RNF144A: variants seen among roughly 807,000 people sequenced by gnomAD.
RNF144A encodes the protein ring finger protein 144A, also known as E3 ubiquitin-protein ligase RNF144A.
In RNF144A, 11 loss-of-function variants were observed where a neutral mutation model predicts 38.7. The observed-to-expected ratio is 0.28, with a 90% confidence interval of 0.18 to 0.47. The LOEUF (loss-of-function observed/expected upper bound fraction) is 0.47, where lower values mean the gene tolerates loss of function less well. RNF144A is among the 20% of genes least tolerant of loss of function. The pLI, the probability that RNF144A is intolerant of heterozygous loss-of-function variation, is 0.99. For synonymous variants in RNF144A, 149 were observed against 143.9 expected (o/e 1.04, Z -0.25); for missense variants, 316 against 377.2 (o/e 0.84, Z 1.34).
intron 8 of RNF144A, among the ~76,000 whole-genome samples, chr2:7,036,384 A>C (rs1180142627): frequency 6.6e-6 from 1 of 152,176 alleles, no homozygotes; most frequent in African/African-American, 2.4e-5. Flanking sequence ...CTGATTACTG[A>C]TCTTCTGTAT....
At chr2:7,051,625 A>G (rs1368604171) in intron 6 of RNF144A, among the ~76,000 whole-genome samples, 1 of 152,226 alleles carries the variant, frequency 6.6e-6, no homozygotes, top group Non-Finnish European at 1.5e-5. Flanking sequence ...ACAGTGGCTC[A>G]CGCCTGTAAT....
At chr2:6,996,237 G>C (rs533955671) in intron 2 of RNF144A, among the ~76,000 whole-genome samples, 1 of 152,072 alleles carries the variant, frequency 6.6e-6, no homozygotes, top group Non-Finnish European at 1.5e-5. Context: ...CCTCATATTC[G>C]CCACGTCTTT....
Position 7,050,128 on chromosome 2 carries a change from C to T in RNF144A, c.735-18088C>T, listed in dbSNP as rs962878755. ...AGGACCTGGTTCCCTGTCCTCAGTT[C>T]GGGTCCTGATATGGTTTGGCTGTGT... is the stretch of plus-strand genomic sequence containing the variant. On this transcript the variant is annotated intron_variant, in intron 6 of 6. Transcript: ENST00000432850. 5.3e-5 allele frequency among the ~76,000 whole-genome samples: 8 copies of T among 152,246 alleles called. No individual in the cohort carries two copies. In the South Asian group the frequency reaches 1.5e-3, roughly 28 times the overall value.
chr2:6,963,788 G>A (rs1667486135), intron 2 of RNF144A, among the ~76,000 whole-genome samples: 1 of 152,172 alleles, frequency 6.6e-6, no homozygotes, highest in Non-Finnish European at 1.5e-5. Flanking sequence ...AGGAGCTGGG[G>A]ACGTCAAAAA....
intron 6 of RNF144A, among the ~76,000 whole-genome samples, chr2:7,055,827 A>C (rs549406597): frequency 1.1e-4 from 16 of 152,292 alleles, no homozygotes; most frequent in Non-Finnish European, 1.5e-5. Context: ...ACGGAGCAAA[A>C]CTAGCACTGT....
intron 3 of RNF144A, among the ~76,000 whole-genome samples, 198 bp from the exon 4 acceptor site, chr2:7,014,256 A>G (rs1052244903): frequency 3.9e-5 from 6 of 152,228 alleles, no homozygotes; most frequent in African/African-American, 1.4e-4. Flanking sequence ...AGTCCCTGGC[A>G]CAGAATGGGT....
intron 1 of RNF144A, among the ~76,000 whole-genome samples, chr2:6,939,760 T>A (rs2103294843): frequency 6.6e-6 from 1 of 152,286 alleles, no homozygotes; most frequent in South Asian, 2.1e-4. Context: ...AGGTTTAAGG[T>A]CTGTGTTTAG....
intron 6 of RNF144A, among the ~76,000 whole-genome samples, chr2:7,053,396 G>A (rs1294192699): frequency 2.0e-5 from 3 of 152,222 alleles, no homozygotes; most frequent in African/African-American, 4.8e-5. Flanking sequence ...ATGGGTCTGA[G>A]TTCTCTACTC....
chr2:7,018,432 G>A (rs1671286885), intron 5 of RNF144A, among the ~76,000 whole-genome samples: 1 of 152,172 alleles, frequency 6.6e-6, no homozygotes, highest in African/African-American at 2.4e-5. Context: ...AGGCATCGCG[G>A]GGACGGGATG....
At chr2:7,063,770 A>C (rs1046711103) in intron 6 of RNF144A, among the ~76,000 whole-genome samples, 10 of 152,236 alleles carry the variant, frequency 6.6e-5, no homozygotes, top group African/African-American at 2.2e-4. Context: ...GCTCCAGATA[A>C]TTCAAGATCT....
At chr2:7,038,486 TTGCAGTGTCAAG>T (rs1282811246) in intron 8 of RNF144A, among the ~76,000 whole-genome samples, 1 of 152,180 alleles carries the variant, frequency 6.6e-6, no homozygotes, top group Non-Finnish European at 1.5e-5. Flanking sequence ...ACCTCTGTAT[TTGCAGTGTCAAG>T]TGCAGTGTCT....
In RNF144A at chr2:6,941,073, G is replaced by T. The variant is rs1330191773; in HGVS notation, c.-86G>T. 1.3e-5 allele frequency: 2 copies of T among 152,226 alleles called. No individual in the cohort carries two copies. The highest frequency in any genetic ancestry group is 2.9e-5 in the Non-Finnish European group (2 of 68,072). 9.4% of individuals were successfully genotyped at this position (152,226 alleles called of 1,614,324 possible). On this transcript the variant is annotated 5_prime_UTR_variant, in exon 2 of 9. Coordinates refer to ENST00000320892, the MANE Select transcript of RNF144A (RefSeq NM_014746.6). The surrounding 1 kb of genome is among the most constrained non-coding windows in gnomAD (Gnocchi z 6.5). ...CTGACCTGAGGGCAGAGACATCTGA[G>T]TGTGTATAAGCACAGCAGGACACCA... is the stretch of plus-strand genomic sequence containing the variant.
At chr2:7,059,443 C>T (rs1265677222) in intron 6 of RNF144A, among the ~76,000 whole-genome samples, 1 of 152,204 alleles carries the variant, frequency 6.6e-6, no homozygotes, top group Non-Finnish European at 1.5e-5. Context: ...GTGCCATGCC[C>T]CGTGTTCCCC....
chr2:7,026,064 G>A (rs1671873482), intron 7 of RNF144A, among the ~76,000 whole-genome samples: 1 of 152,204 alleles, frequency 6.6e-6, no homozygotes, highest in Admixed American at 6.5e-5. Flanking sequence ...CAAGGTGAAG[G>A]AGAAGTGGTT....
chr2:6,926,344 GAGA>G (rs1282696273), intron 1 of RNF144A, among the ~76,000 whole-genome samples: 12 of 152,358 alleles, frequency 7.9e-5, no homozygotes, highest in African/African-American at 2.9e-4. Context: ...CCTGGAGAAA[GAGA>G]AGGAGAGAAA....
chr2:6,978,029 GA>G (rs1248825449), intron 2 of RNF144A, among the ~76,000 whole-genome samples: 5 of 152,124 alleles, frequency 3.3e-5, no homozygotes, highest in African/African-American at 1.2e-4. Context: ...TCAGCTTGGG[GA>G]ACCCATAGAA....
In RNF144A at chr2:7,040,341, G is replaced by T. The variant is rs779467209; in HGVS notation, c.*581G>T. The T allele has an allele frequency of 2.6e-5, 26 of 985,472 alleles. No individual in the cohort carries two copies. The highest frequency in any genetic ancestry group is 2.7e-5 in the Non-Finnish European group (22 of 829,996). 61.0% of individuals were successfully genotyped at this position (985,472 alleles called of 1,614,324 possible). On this transcript the variant is annotated 3_prime_UTR_variant, in exon 9 of 9. Coordinates refer to ENST00000320892, the MANE Select transcript of RNF144A (RefSeq NM_014746.6). ...GAAATGTGCATTTTAAGAAGTTATAGTTAAACGACTTTTCAGGAGATTTAG... is the reference window on the plus strand; with the variant it reads ...GAAATGTGCATTTTAAGAAGTTATATTTAAACGACTTTTCAGGAGATTTAG...
rs77580854 is a variant in RNF144A, at chr2:6,948,658, C to T, written c.-12+7511C>T. ...ACTCTTAAGAGGTGACTCTTAGCAC[C>T]AGGAAAGCAGGGAAGATTAGAACAT... On this transcript the variant is annotated intron_variant, in intron 2 of 8. Transcript: ENST00000320892. Among the ~76,000 whole-genome samples the T allele has an allele frequency of 4.1e-3, 622 of 152,246 alleles. 4 individuals carry two copies. Among genetic ancestry groups the T allele is most frequent in the African/African-American group, 0.014 (592 of 41,538 alleles).
At chr2:6,988,560 T>G (rs535965376) in intron 2 of RNF144A, among the ~76,000 whole-genome samples, 1 of 152,204 alleles carries the variant, frequency 6.6e-6, no homozygotes, top group Non-Finnish European at 1.5e-5. Context: ...ACCCTAGAGG[T>G]GAAACCTTAT....
Sources: gnomAD v4.1 joint callset for allele counts (sites outside exome capture counted in the v4.1 genomes callset) on GRCh38, gnomAD v4.1.1 for gene constraint, Gnocchi (gnomAD v3.1) non-coding constraint, MANE v1.5 for transcripts, NCBI Gene and HGNC (gene_info 2026-07-23, HGNC 2026-07-21) for gene names.